LY6G6C: variants seen among roughly 807,000 people sequenced by gnomAD.
LY6G6C encodes lymphocyte antigen 6 family member G6C.
LY6G6C carries 12 observed loss-of-function variants against 12.8 expected under a neutral mutation model. The ratio of observed to expected loss-of-function variants is 0.94; its 90% CI spans 0.60 to 1.52. The LOEUF is 1.52. Ranked by LOEUF, LY6G6C falls within the 40% of genes most tolerant of loss-of-function variation. The pLI, the probability that LY6G6C is intolerant of heterozygous loss-of-function variation, is 0.00. For missense variants in LY6G6C, 125 were observed against 155.8 expected, an observed-to-expected ratio of 0.80 and a Z score of 1.05; for synonymous variants, 42 against 61.6, an observed-to-expected ratio of 0.68 and a Z score of 1.49.
chr6:31,720,059 T>G lies in LY6G6C; in HGVS notation c.163+34A>C. 6.6e-7 allele frequency: 1 copy of G among 1,504,576 alleles called. No individual in the cohort carries two copies. Among genetic ancestry groups the G allele is most frequent in the Non-Finnish European group, 9.2e-7 (1 of 1,082,578 alleles). The allele number at this position is 1,504,576 out of a possible 1,614,324, so 93.2% of individuals were successfully genotyped here. ...AGTCCTGGTCATAGAGGCTCCCACC[T>G]CCCTGTTCACCCCACTAAGGAAGGG... On this transcript the variant is annotated intron_variant, in intron 2 of 2. Coordinates refer to ENST00000375819, the MANE Select transcript of LY6G6C (RefSeq NM_025261.3). The surrounding 1 kb of genome is among the most constrained non-coding windows in gnomAD (Gnocchi z 4.9).
chr6:31,721,446 T>C (rs1806777702), intron 1 of LY6G6C, among the ~76,000 whole-genome samples, 182 bp downstream of exon 1: 1 of 151,448 alleles, frequency 6.6e-6, no homozygotes, highest in Non-Finnish European at 1.5e-5. Flanking sequence ...ACCTGGCTTT[T>C]TGAGAAATAG....
rs956220220 is a variant in LY6G6C at position 31,720,453 on chromosome 6, G to A, written c.53-250C>T. Among the ~76,000 whole-genome samples, 5 of 152,162 alleles carry A rather than the reference G, an allele frequency of 3.3e-5. No individual in the cohort carries two copies. Among genetic ancestry groups the A allele is most frequent in the Non-Finnish European group, 5.9e-5 (4 of 68,024 alleles). On this transcript the variant is annotated intron_variant, in intron 1 of 2. Coordinates refer to ENST00000375819, the MANE Select transcript of LY6G6C (RefSeq NM_025261.3). The surrounding 1 kb of genome is among the most constrained non-coding windows in gnomAD (Gnocchi z 4.9). ...TACATATCTTCCATCACTCCACCCCGTTTGGAGGTGAGTCAAGAGGGACAG... is the reference window on the plus strand; with the variant it reads ...TACATATCTTCCATCACTCCACCCCATTTGGAGGTGAGTCAAGAGGGACAG...
Position 31,720,443 on chromosome 6 carries a change from A to G in LY6G6C, c.53-240T>C, listed in dbSNP as rs981642579. Among the ~76,000 whole-genome samples the G allele has an allele frequency of 6.6e-6, 1 of 151,968 alleles. No individual in the cohort carries two copies. Among genetic ancestry groups the G allele is most frequent in the African/African-American group, 2.4e-5 (1 of 41,362 alleles). Reference sequence around the variant, plus strand: ...GCCCACGCCCTACATATCTTCCATCACTCCACCCCGTTTGGAGGTGAGTCA... The same window carrying G: ...GCCCACGCCCTACATATCTTCCATCGCTCCACCCCGTTTGGAGGTGAGTCA... On this transcript the variant is annotated intron_variant, in intron 1 of 2. Coordinates refer to ENST00000375819, the MANE Select transcript of LY6G6C (RefSeq NM_025261.3). This position sits in a 1 kb window ranked among gnomAD's most constrained non-coding sequence, Gnocchi z 4.9.
Position 31,720,320 on chromosome 6 carries a change from G to C in LY6G6C, c.53-117C>G. 1 of 667,192 alleles carries C rather than the reference G, an allele frequency of 1.5e-6. No homozygotes were observed. Among genetic ancestry groups the C allele is most frequent in the Non-Finnish European group, 2.7e-6 (1 of 373,714 alleles). The allele number at this position is 667,192 out of a possible 1,614,324, so 41.3% of individuals were successfully genotyped here. A position where few individuals can be genotyped will look rare whatever the true frequency, so the allele number is the denominator to read the frequency against. ...GCCCATCCCGTAGGTGCTCCAACCT[G>C]TTTGGCTGTTTGGTCTAGCAAGCAC... is the stretch of plus-strand genomic sequence containing the variant. On this transcript the variant is annotated intron_variant, in intron 1 of 2. Coordinates refer to ENST00000375819, the MANE Select transcript of LY6G6C (RefSeq NM_025261.3). The surrounding 1 kb of genome is among the most constrained non-coding windows in gnomAD (Gnocchi z 4.9).
At chr6:31,719,421 C>T in intron 2 of LY6G6C, 111 bp from the exon 3 acceptor site, 1 of 839,264 alleles carries the variant, frequency 1.2e-6, no homozygotes, top group Non-Finnish European at 2.0e-6. Context: ...AACTCTGTCC[C>T]TGGCCCTCCC....
At chr6:31,719,625 C>T (rs1395275600) in intron 2 of LY6G6C, among the ~76,000 whole-genome samples, 4 of 152,194 alleles carry the variant, frequency 2.6e-5, no homozygotes, top group Non-Finnish European at 5.9e-5. Flanking sequence ...CAACCTCCGC[C>T]TCCCAGGTTC....
intron 2 of LY6G6C, among the ~76,000 whole-genome samples, 176 bp from the exon 3 acceptor site, chr6:31,719,486 C>G (rs541540490): frequency 1.3e-5 from 2 of 152,164 alleles, no homozygotes; most frequent in African/African-American, 4.8e-5. Context: ...ACCACTCCCC[C>G]AGTCCTGGTT....
rs1323599290 is a variant in LY6G6C, at chr6:31,720,449, C to A, written c.53-246G>T. On this transcript the variant is annotated intron_variant, in intron 1 of 2. Coordinates refer to ENST00000375819, the MANE Select transcript of LY6G6C (RefSeq NM_025261.3). The surrounding 1 kb of genome is among the most constrained non-coding windows in gnomAD (Gnocchi z 4.9). ...GCCCTACATATCTTCCATCACTCCACCCCGTTTGGAGGTGAGTCAAGAGGG... is the reference window on the plus strand; with the variant it reads ...GCCCTACATATCTTCCATCACTCCAACCCGTTTGGAGGTGAGTCAAGAGGG... 6.6e-6 allele frequency among the ~76,000 whole-genome samples: 1 copy of A among 152,074 alleles called. No individual in the cohort carries two copies. The highest frequency in any genetic ancestry group is 1.5e-5 in the Non-Finnish European group (1 of 68,034).
At chr6:31,721,548 G>A (rs1806784407) in intron 1 of LY6G6C, 80 bp downstream of exon 1, 2 of 1,352,372 alleles carry the variant, frequency 1.5e-6, no homozygotes, top group Admixed American at 1.8e-5. Flanking sequence ...CGAGTGGTGG[G>A]TAGGGCCGGG....
At chr6:31,719,806 G>A (rs1806687551) in intron 2 of LY6G6C, among the ~76,000 whole-genome samples, 2 of 152,142 alleles carry the variant, frequency 1.3e-5, no homozygotes, top group Admixed American at 1.3e-4. Context: ...CAAAGTGCTG[G>A]GATTACAGGC....
At chr6:31,719,409 C>T in intron 2 of LY6G6C, 99 bp from the exon 3 acceptor site, 1 of 972,296 alleles carries the variant, frequency 1.0e-6, no homozygotes, top group South Asian at 1.4e-5. Context: ...TCCTTCCTTC[C>T]CAACTCTGTC....
Position 31,719,310 on chromosome 6 carries a change from C to T in LY6G6C, c.164G>A (p.Gly55Asp). The stretch of plus-strand genomic sequence containing the variant: ...CAGATTGGAGAAAACCCACATCTTA[C>T]CTAGGGGTGGGAATGGGCAGGGAAT... ...QQCLTTHAYL[G>D]KMWVFSNLRC... Residue 55 changes from glycine to aspartate, a missense_variant and splice_region_variant, in exon 3 of 3, where the codon GGT becomes GAT. Coordinates refer to ENST00000375819, the MANE Select transcript of LY6G6C (RefSeq NM_025261.3). 6.2e-7 allele frequency: 1 copy of T among 1,613,982 alleles called. No homozygotes were observed. Among genetic ancestry groups the T allele is most frequent in the Non-Finnish European group, 8.5e-7 (1 of 1,179,850 alleles).
In LY6G6C at chr6:31,719,196, T is replaced by A. The variant is rs776262960; in HGVS notation, c.278A>T (p.Asn93Ile). 2 of 1,614,190 alleles carry A rather than the reference T, an allele frequency of 1.2e-6. No individual in the cohort carries two copies. The highest frequency in any genetic ancestry group is 1.7e-6 in the Non-Finnish European group (2 of 1,180,020). The change falls in exon 3 of 3, where the codon AAC becomes ATC. Residue 93 changes from asparagine (N) to isoleucine (I), a missense_variant. Physicochemically the swap from Asn to Ile is moderately radical, Grantham distance 149. Transcript: ENST00000375819. ...LGLTYNTTCC[N>I]KDNCNSAGPR... ...TCCTGCGCTGTTGCAGTTGTCCTTG[T>A]TGCAGCAGGTGGTGTTATATGTCAG...
rs761963941 is a variant in LY6G6C at position 31,719,105 on chromosome 6, C to T, written c.369G>A (p.Leu123=). 6.2e-7 allele frequency: 1 copy of T among 1,613,462 alleles called. No homozygotes were observed. The highest frequency in any genetic ancestry group is 2.2e-5 in the East Asian group (1 of 44,880). The change falls in exon 3 of 3, where the codon CTG becomes CTA. Residue 123 remains leucine (L), a synonymous_variant. Coordinates refer to ENST00000375819, the MANE Select transcript of LY6G6C (RefSeq NM_025261.3). ...LTSLAGLGLW[L]LH ...GCCAATGGAATGAGTCTCAGTGCAGCAGCCAGAGGCCAAGGCCAGCCAAGG... is the reference window on the plus strand; with the variant it reads ...GCCAATGGAATGAGTCTCAGTGCAGTAGCCAGAGGCCAAGGCCAGCCAAGG...
rs1806708750 is a variant in LY6G6C at position 31,720,179 on chromosome 6, T to C, written c.77A>G (p.Tyr26Cys). ...CACACAGCCCAGCACAGGGACCTTG[T>C]AGCAGGAGTGACAGCGAATGTCAGC... is the stretch of plus-strand genomic sequence containing the variant. The part of the protein sequence containing the change: ...VSADIRCHSC[Y>C]KVPVLGCVDR... Residue 26 changes from tyrosine to cysteine, a missense_variant, in exon 2 of 3, where the codon TAC (tyrosine) becomes TGC (cysteine). Physicochemically the swap from Tyr to Cys is radical, Grantham distance 194. Transcript: ENST00000375819. This position sits in a 1 kb window ranked among gnomAD's most constrained non-coding sequence, Gnocchi z 4.9. 3 of 1,612,828 alleles carry C rather than the reference T, an allele frequency of 1.9e-6. No homozygotes were observed. Among genetic ancestry groups the C allele is most frequent in the Admixed American group, 1.7e-5 (1 of 59,990 alleles).
At position 31,720,228 on chromosome 6, in the gene LY6G6C, G is replaced by C. The variant is rs1302025630; in HGVS notation, c.53-25C>G. On this transcript the variant is annotated intron_variant, in intron 1 of 2. Coordinates refer to ENST00000375819, the MANE Select transcript of LY6G6C (RefSeq NM_025261.3). This position sits in a 1 kb window ranked among gnomAD's most constrained non-coding sequence, Gnocchi z 4.9. ...GCTGGGAAGACACAAGTCAGGCTGA[G>C]GTGATGGGGTCTCTGACTTACCTGG... is the stretch of plus-strand genomic sequence containing the variant. The C allele has an allele frequency of 6.4e-7, 1 of 1,553,802 alleles. No homozygotes were observed. The highest frequency in any genetic ancestry group is 8.9e-7 in the Non-Finnish European group (1 of 1,126,478).
In LY6G6C at chr6:31,719,118, A is replaced by C; in HGVS notation, c.356T>G (p.Leu119Arg). 6.2e-7 allele frequency: 1 copy of C among 1,613,936 alleles called. No homozygotes were observed. ...GLVFLTSLAG[L>R]GLWLLH ...GTCTCAGTGCAGCAGCCAGAGGCCA[A>C]GGCCAGCCAAGGAGGTAAGGAAGAC... Residue 119 changes from leucine (L) to arginine (R), a missense_variant, in exon 3 of 3, where the codon CTT becomes CGT. Transcript: ENST00000375819.
Position 31,719,232 on chromosome 6 carries a change from C to CGGTT in LY6G6C, c.238_241dup (p.Arg81GlnfsTer9). 1 of 1,614,158 alleles carries CGGTT rather than the reference C, an allele frequency of 6.2e-7. No homozygotes were observed. Among genetic ancestry groups the CGGTT allele is most frequent in the Non-Finnish European group, 8.5e-7 (1 of 1,180,022 alleles). On this transcript the variant is annotated frameshift_variant, in exon 3 of 3. Transcript: ENST00000375819. LOFTEE classifies it high-confidence loss of function. ...GGTGTTATATGTCAGACCCAGCTTG[C>CGGTT]GGTTGGTTTGGTTGAAGGCCTCCTG...
In LY6G6C at chr6:31,720,043, C is replaced by T. The variant is rs765977400; in HGVS notation, c.163+50G>A. Reference sequence around the variant, plus strand: ...GACCCATTTGGGCCTCAGTCCTGGTCATAGAGGCTCCCACCTCCCTGTTCA... The same window carrying T: ...GACCCATTTGGGCCTCAGTCCTGGTTATAGAGGCTCCCACCTCCCTGTTCA... On this transcript the variant is annotated intron_variant, in intron 2 of 2. Coordinates refer to ENST00000375819, the MANE Select transcript of LY6G6C (RefSeq NM_025261.3). This position sits in a 1 kb window ranked among gnomAD's most constrained non-coding sequence, Gnocchi z 4.9. 4.5e-6 allele frequency: 6 copies of T among 1,343,000 alleles called. No individual in the cohort carries two copies. The highest frequency in any genetic ancestry group is 6.4e-6 in the Non-Finnish European group (6 of 937,116). The allele number at this position is 1,343,000 out of a possible 1,614,324, so 83.2% of individuals were successfully genotyped here. A position where few individuals can be genotyped will look rare whatever the true frequency, so the allele number is the denominator to read the frequency against.
Sources: allele counts gnomAD v4.1 joint callset (sites outside exome capture counted in the v4.1 genomes callset), GRCh38; gene constraint gnomAD v4.1.1; non-coding constraint Gnocchi (gnomAD v3.1); transcripts MANE v1.5; gene names NCBI Gene and HGNC (gene_info 2026-07-23, HGNC 2026-07-21).